PRKN: variants seen among roughly 807,000 people sequenced by gnomAD.
PRKN encodes the protein E3 ubiquitin-protein ligase parkin.
A neutral mutation model predicts 59.5 loss-of-function variants in PRKN; 56 were observed. The ratio of observed to expected loss-of-function variants is 0.94; its 90% CI spans 0.76 to 1.18. PRKN has a LOEUF of 1.18. Ranked by LOEUF, PRKN falls within the 50% of genes most tolerant of loss-of-function variation. The probability of loss-of-function intolerance (pLI) is 0.00; values close to 1 mark genes in which losing one functional copy is unlikely to be tolerated. For missense variants in PRKN, 657 were observed against 596.4 expected, an observed-to-expected ratio of 1.10 and a Z score of -1.06; for synonymous variants, 250 against 222.1, an observed-to-expected ratio of 1.13 and a Z score of -1.12.
intron 1 of PRKN, among the ~76,000 whole-genome samples, chr6:162,468,237 G>A (rs566629381): frequency 5.9e-5 from 9 of 152,290 alleles, no homozygotes; most frequent in South Asian, 2.1e-4. Context: ...GGCATCCCTC[G>A]TCTCACTAAT....
At chr6:161,595,912 C>T (rs979264007) in intron 7 of PRKN, among the ~76,000 whole-genome samples, 9 of 152,174 alleles carry the variant, frequency 5.9e-5, no homozygotes, top group African/African-American at 2.2e-4. Context: ...ACTCCACTGA[C>T]AACTTTAAAT....
chr6:162,451,773 G>T (rs1266446500), intron 1 of PRKN, among the ~76,000 whole-genome samples: 1 of 151,396 alleles, frequency 6.6e-6, no homozygotes, highest in Non-Finnish European at 1.5e-5. Flanking sequence ...TATATATGTT[G>T]TTGGAGTCAC....
chr6:162,404,384 A>G (rs1787958517), intron 2 of PRKN, among the ~76,000 whole-genome samples: 1 of 150,670 alleles, frequency 6.6e-6, no homozygotes. Flanking sequence ...AAAAAAAAAG[A>G]AAGAAAGAAA....
At chr6:161,730,137 G>T (rs1157355373) in intron 7 of PRKN, among the ~76,000 whole-genome samples, 1 of 150,852 alleles carries the variant, frequency 6.6e-6, no homozygotes, top group Non-Finnish European at 1.5e-5. Flanking sequence ...ATTCTGATGT[G>T]TTGGATTCTT....
At chr6:161,477,267 C>T (rs193154979) in intron 9 of PRKN, among the ~76,000 whole-genome samples, 1,584 of 152,324 alleles carry the variant, frequency 0.01, 27 homozygotes, top group African/African-American at 0.036. Flanking sequence ...CCTGTAATCC[C>T]AGCACTTTGG....
chr6:162,008,046 G>GA (rs551091843), intron 5 of PRKN, among the ~76,000 whole-genome samples: 37 of 152,228 alleles, frequency 2.4e-4, no homozygotes, highest in African/African-American at 8.7e-4. Flanking sequence ...AAGTTCAACT[G>GA]AAAAAACTGC....
Position 161,457,415 on chromosome 6 carries a change from T to C in PRKN, c.1084-70538A>G, listed in dbSNP as rs1790022880. On this transcript the variant is annotated intron_variant, in intron 9 of 11. Coordinates refer to ENST00000366898, the MANE Select transcript of PRKN (RefSeq NM_004562.3). The surrounding 1 kb of genome is among the most constrained non-coding windows in gnomAD (Gnocchi z 5.0). The stretch of plus-strand genomic sequence containing the variant: ...ACATCAAATAAAAAAGCTACTACTT[T>C]AATAGAAATTACCTCTTCTAATTGC... 6.6e-6 allele frequency among the ~76,000 whole-genome samples: 1 copy of C among 152,222 alleles called. No individual in the cohort carries two copies. The highest frequency in any genetic ancestry group is 2.4e-5 in the African/African-American group (1 of 41,460).
In PRKN at chr6:161,827,591, C is replaced by T. The variant is rs1049525237; in HGVS notation, c.735-41683G>A. ...GTGGCGTGATCTCGGCTCCCTGAAACCTCTGCCTCTGGTTCAAGCAATTCT... is the reference window on the plus strand; with the variant it reads ...GTGGCGTGATCTCGGCTCCCTGAAATCTCTGCCTCTGGTTCAAGCAATTCT... On this transcript the variant is annotated intron_variant, in intron 6 of 11. Transcript: ENST00000366898. 1.2e-4 allele frequency among the ~76,000 whole-genome samples: 17 copies of T among 142,716 alleles called. 1 individual carries two copies. Among genetic ancestry groups the T allele is most frequent in the Non-Finnish European group, 1.5e-5 (1 of 66,704 alleles). The allele number at this position is 142,716 out of a possible 152,430, so 93.6% of individuals were successfully genotyped here.
intron 6 of PRKN, among the ~76,000 whole-genome samples, chr6:161,859,174 G>A (rs1024172561): frequency 2.6e-5 from 4 of 151,380 alleles, no homozygotes; most frequent in South Asian, 2.1e-4. Flanking sequence ...AGGCCACAGC[G>A]ATACTTTTTG....
At chr6:161,411,717 C>T (rs1402283672) in intron 9 of PRKN, among the ~76,000 whole-genome samples, 1 of 152,014 alleles carries the variant, frequency 6.6e-6, no homozygotes, top group East Asian at 1.9e-4. Context: ...TCACTCATTC[C>T]TTCCTCACTC....
At position 161,447,151 on chromosome 6, in the gene PRKN, A is replaced by G. The variant is rs1463301294; in HGVS notation, c.1084-60274T>C. On this transcript the variant is annotated intron_variant, in intron 9 of 11. Transcript: ENST00000366898. The surrounding 1 kb of genome is among the most constrained non-coding windows in gnomAD (Gnocchi z 4.1). ...TTACTATAGCAACATCTTTCCTGCT[A>G]CTAGGACAGTTAAGTCCCCCTGTGA... Among the ~76,000 whole-genome samples the G allele has an allele frequency of 6.6e-6, 1 of 152,188 alleles. No individual in the cohort carries two copies. The highest frequency in any genetic ancestry group is 1.5e-5 in the Non-Finnish European group (1 of 68,030).
At chr6:161,981,632 T>G (rs929442204) in intron 5 of PRKN, among the ~76,000 whole-genome samples, 3 of 152,250 alleles carry the variant, frequency 2.0e-5, no homozygotes, top group Non-Finnish European at 2.9e-5. Context: ...AAAGCCTGTT[T>G]ATCTTGTGAC....
intron 1 of PRKN, among the ~76,000 whole-genome samples, chr6:162,654,074 T>C (rs1005782199): frequency 6.6e-5 from 10 of 152,180 alleles, no homozygotes; most frequent in African/African-American, 2.2e-4. Flanking sequence ...AACCACATGC[T>C]ATAGGAAAGA....
intron 6 of PRKN, among the ~76,000 whole-genome samples, chr6:161,805,049 A>G (rs1791248088): frequency 6.6e-6 from 1 of 152,220 alleles, no homozygotes; most frequent in Non-Finnish European, 1.5e-5. Context: ...AGGTTATCGT[A>G]TGGCCACTAA....
At chr6:162,371,289 T>C (rs1272882553) in intron 2 of PRKN, among the ~76,000 whole-genome samples, 3 of 152,124 alleles carry the variant, frequency 2.0e-5, no homozygotes, top group Admixed American at 6.5e-5. Context: ...CTGCAGGTAA[T>C]AGGAACTGTC....
intron 1 of PRKN, among the ~76,000 whole-genome samples, chr6:162,668,867 C>G (rs571525556): frequency 2.6e-5 from 4 of 152,194 alleles, no homozygotes; most frequent in African/African-American, 7.2e-5. Flanking sequence ...GCTTTCTAGG[C>G]ATTTACTTCA....
intron 7 of PRKN, among the ~76,000 whole-genome samples, chr6:161,730,335 A>C (rs1234315962): frequency 1.3e-5 from 1 of 77,086 alleles, no homozygotes; most frequent in Non-Finnish European, 2.7e-5. Flanking sequence ...TGCATTCTGA[A>C]GTGTTGCATT....
At chr6:161,590,912 T>C (rs1781697929) in intron 7 of PRKN, among the ~76,000 whole-genome samples, 1 of 152,178 alleles carries the variant, frequency 6.6e-6, no homozygotes, top group Non-Finnish European at 1.5e-5. Context: ...GGCAACTGGA[T>C]GCAACATGTG....
chr6:162,488,626 A>G (rs1162127443), intron 1 of PRKN, among the ~76,000 whole-genome samples: 1 of 152,120 alleles, frequency 6.6e-6, no homozygotes, highest in Non-Finnish European at 1.5e-5. Context: ...TGGATGGGTG[A>G]CCGTCCTCTC....
Sources: allele counts gnomAD v4.1 joint callset (sites outside exome capture counted in the v4.1 genomes callset), GRCh38; gene constraint gnomAD v4.1.1; non-coding constraint Gnocchi (gnomAD v3.1); transcripts MANE v1.5; gene names NCBI Gene and HGNC (gene_info 2026-07-23, HGNC 2026-07-21).